The following ORC3 variants were observed in gnomAD, a reference collection of about 807,000 sequenced individuals.
ORC3 encodes the protein origin recognition complex subunit 3.
Under a neutral mutation model 100.7 loss-of-function variants are expected in ORC3, and 78 were observed. The ratio of observed to expected loss-of-function variants is 0.77; its 90% confidence interval spans 0.65 to 0.94. ORC3 has a LOEUF of 0.94. Among genes scored for constraint, ORC3 ranks in the 40% least tolerant of loss-of-function variants. The probability of loss-of-function intolerance (pLI) is 0.00; values close to 1 mark genes in which losing one functional copy is unlikely to be tolerated. For synonymous variants in ORC3, 295 were observed against 289.3 expected (o/e 1.02, Z -0.20); for missense variants, 789 against 823.9 (o/e 0.96, Z 0.52).
chr6:87,653,078 T>C, intron 13 of ORC3, 38 bp from the exon 14 acceptor site: 1 of 1,497,754 alleles, frequency 6.7e-7, no homozygotes, highest in Non-Finnish European at 9.1e-7. Context: ...GTTAATTTTC[T>C]AGTTATATTA....
chr6:87,655,767 G>A (rs1769638752), intron 14 of ORC3, among the ~76,000 whole-genome samples: 1 of 151,670 alleles, frequency 6.6e-6, no homozygotes, highest in Non-Finnish European at 1.5e-5. Context: ...CTCCCAAAGT[G>A]CTGGGATTAT....
intron 1 of ORC3, among the ~76,000 whole-genome samples, chr6:87,593,380 G>A (rs1046047309): frequency 6.6e-6 from 1 of 152,068 alleles, no homozygotes; most frequent in African/African-American, 2.4e-5. Context: ...GTCTACTCAG[G>A]GAGACACACC....
At chr6:87,672,424 C>T (rs971711852), downstream of ORC3, among the ~76,000 whole-genome samples, 1 of 152,114 alleles carries the variant, frequency 6.6e-6, no homozygotes, top group Non-Finnish European at 1.5e-5. Flanking sequence ...TGTATCTTTG[C>T]CTGAGACATA....
At position 87,601,684 on chromosome 6, in the gene ORC3, A is replaced by AC. The variant is rs1777910930; in HGVS notation, c.80-100_80-99insC. On this transcript the variant is annotated intron_variant, in intron 2 of 19. Coordinates refer to ENST00000392844, the MANE Select transcript of ORC3 (RefSeq NM_012381.4). Reference sequence around the variant, plus strand: ...GAGACTCCATATCAAAAAAAAAAAAAATTTCACTTCTGTCACTTACTGTGT... The same window carrying AC: ...GAGACTCCATATCAAAAAAAAAAAAACATTTCACTTCTGTCACTTACTGTGT... 8.5e-6 allele frequency: 6 copies of AC among 707,994 alleles called. No individual in the cohort carries two copies. In the Admixed American group the frequency reaches 1.7e-4, roughly 20 times the overall value. 43.9% of individuals were successfully genotyped at this position (707,994 alleles called of 1,614,324 possible).
intron 7 of ORC3, 126 bp downstream of exon 7, chr6:87,609,355 A>G: frequency 1.6e-6 from 1 of 627,440 alleles, no homozygotes; most frequent in Non-Finnish European, 2.5e-6. Flanking sequence ...CAAATTCTTT[A>G]TAATTGAATA....
chr6:87,674,515 AT>A, the ORC3 span, among the ~76,000 whole-genome samples: 3 of 151,512 alleles, frequency 2.0e-5, no homozygotes, highest in Non-Finnish European at 2.9e-5. Flanking sequence ...GCTTTTGCAT[AT>A]CAAGTTCTTA....
intron 3 of ORC3, among the ~76,000 whole-genome samples, chr6:87,602,954 A>AATATATATATATATATATATATATTAT (rs397935596): frequency 2.1e-5 from 2 of 95,300 alleles, no homozygotes; most frequent in African/African-American, 8.4e-5. Context: ...ACACATATAT[A>AATATATATATATATATATATATATTAT]ATATATATAT....
chr6:87,642,048 G>C (rs1036706800), intron 13 of ORC3, among the ~76,000 whole-genome samples: 1 of 152,180 alleles, frequency 6.6e-6, no homozygotes, highest in Non-Finnish European at 1.5e-5. Flanking sequence ...ATGAATTAGA[G>C]CACTTGGGAG....
rs557196729 is a variant in ORC3, at chr6:87,599,529, G to A, written c.80-2255G>A. The stretch of plus-strand genomic sequence containing the variant: ...ACTACAGGTGTATGCCACCACGCCC[G>A]GCTAATTTTTGTATTTTTAGCAGAG... On this transcript the variant is annotated intron_variant, in intron 2 of 19. Transcript: ENST00000392844. Among the ~76,000 whole-genome samples, 93 of 151,922 alleles carry A rather than the reference G, an allele frequency of 6.1e-4. 1 individual carries two copies. The highest frequency in any genetic ancestry group is 2.2e-3 in the African/African-American group (90 of 41,476).
chr6:87,664,633 A>G lies in ORC3; in HGVS notation c.1834-110A>G, dbSNP rs141665720. The G allele has an allele frequency of 1.3e-3, 1,002 of 798,802 alleles. 10 individuals carry two copies. The African/African-American group carries it at 0.016, about 13-fold the overall frequency. The allele number at this position is 798,802 out of a possible 1,614,324, so 49.5% of individuals were successfully genotyped here. ...CTCACTCACTAAATAAGGGAAACCA[A>G]GATTCCATTTACTGGTTTACTCAGT... is the stretch of plus-strand genomic sequence containing the variant. On this transcript the variant is annotated intron_variant, in intron 17 of 19. Coordinates refer to ENST00000392844, the MANE Select transcript of ORC3 (RefSeq NM_012381.4).
intron 7 of ORC3, chr6:87,609,579 G>A (rs1007172179): frequency 6.2e-6 from 1 of 160,862 alleles, no homozygotes. Flanking sequence ...TTTTGAGATG[G>A]AGCTTTGTTC....
At chr6:87,618,519 C>T (rs1159224209) in intron 9 of ORC3, among the ~76,000 whole-genome samples, 2 of 151,872 alleles carry the variant, frequency 1.3e-5, no homozygotes, top group Non-Finnish European at 2.9e-5. Context: ...ATGAAAGAAA[C>T]ATGCCCTGGG....
At chr6:87,648,691 C>T (rs1404630191) in intron 13 of ORC3, among the ~76,000 whole-genome samples, 1 of 152,166 alleles carries the variant, frequency 6.6e-6, no homozygotes, top group Non-Finnish European at 1.5e-5. Flanking sequence ...TATCAAATGA[C>T]ACTTGATACA....
At chr6:87,656,405 T>G (rs571855148) in intron 14 of ORC3, among the ~76,000 whole-genome samples, 8 of 152,226 alleles carry the variant, frequency 5.3e-5, no homozygotes, top group Non-Finnish European at 1.2e-4. Flanking sequence ...CTGGCCAACG[T>G]GGCGAAACCC....
At chr6:87,601,057 T>G (rs1453995470) in intron 2 of ORC3, among the ~76,000 whole-genome samples, 1 of 152,190 alleles carries the variant, frequency 6.6e-6, no homozygotes, top group Non-Finnish European at 1.5e-5. Flanking sequence ...TGGACTAAAC[T>G]ATGTCAGTGG....
In ORC3 at chr6:87,609,225, AGCAGGT is replaced by A; in HGVS notation, c.710_713+2del. The A allele has an allele frequency of 6.3e-7, 1 of 1,592,356 alleles. No homozygotes were observed. The highest frequency in any genetic ancestry group is 1.2e-5 in the South Asian group (1 of 86,538). On this transcript the variant is annotated splice_donor_variant and coding_sequence_variant, in exon 7 of 20. Transcript: ENST00000392844. LOFTEE classifies it high-confidence loss of function. Reference sequence around the variant, plus strand: ...AGTACTACAAGACTTCATAATTATCAGCAGGTAGATGGTGTATTACCTGGCTTTTAT... The same window carrying A: ...AGTACTACAAGACTTCATAATTATCAAGATGGTGTATTACCTGGCTTTTAT...
At chr6:87,624,178 G>A (rs1452045480) in intron 11 of ORC3, among the ~76,000 whole-genome samples, 6 of 152,042 alleles carry the variant, frequency 3.9e-5, no homozygotes, top group Admixed American at 3.9e-4. Flanking sequence ...GACAGAAAGT[G>A]TCTAAGAAAA....
At chr6:87,604,412 A>G (rs28381476) in intron 4 of ORC3, among the ~76,000 whole-genome samples, 10,734 of 152,230 alleles carry the variant, frequency 0.071, 410 homozygotes, top group East Asian at 0.096. Context: ...GACCACACTA[A>G]TAAGACTCAA....
intron 7 of ORC3, among the ~76,000 whole-genome samples, chr6:87,610,555 T>A (rs1404683877): frequency 3.0e-5 from 4 of 132,704 alleles, no homozygotes; most frequent in African/African-American, 6.3e-5. Flanking sequence ...TTTTATTTTT[T>A]ATTTTTTTTG....
Sources: allele counts gnomAD v4.1 joint callset (sites outside exome capture counted in the v4.1 genomes callset), GRCh38; gene constraint gnomAD v4.1.1; transcripts MANE v1.5; gene names NCBI Gene and HGNC (gene_info 2026-07-23, HGNC 2026-07-21).